ACSM3: variants seen among roughly 807,000 people sequenced by gnomAD.
ACSM3 encodes the protein acyl-coenzyme A synthetase ACSM3, mitochondrial.
In ACSM3, 61 loss-of-function variants were observed where a neutral mutation model predicts 74.1. That is an observed-to-expected ratio of 0.82 (90% confidence interval 0.67 to 1.02). The LOEUF (loss-of-function observed/expected upper bound fraction) is 1.02, where lower values mean the gene tolerates loss of function less well. Among genes scored for constraint, ACSM3 ranks in the 50% least tolerant of loss-of-function variants. The pLI is 0.00. For synonymous variants in ACSM3, 213 were observed against 241.5 expected, an observed-to-expected ratio of 0.88 and a Z score of 1.09; for missense variants, 660 against 697.0, an observed-to-expected ratio of 0.95 and a Z score of 0.60.
chr16:20,789,436 G>C (rs1352339240), intron 9 of ACSM3: 1 of 1,384,070 alleles, frequency 7.2e-7, no homozygotes, highest in Non-Finnish European at 1.0e-6. Context: ...GGAATGATGA[G>C]GATTGGAGAG....
At chr16:20,701,610 G>A (rs2079713062) in intron 1 of ACSM3, among the ~76,000 whole-genome samples, 1 of 152,120 alleles carries the variant, frequency 6.6e-6, no homozygotes, top group East Asian at 1.9e-4. Flanking sequence ...GTGCCATGGT[G>A]GTTTGCCGCA....
intron 1 of ACSM3, among the ~76,000 whole-genome samples, chr16:20,719,005 T>C (rs1266898417): frequency 2.0e-5 from 3 of 152,168 alleles, no homozygotes; most frequent in Non-Finnish European, 2.9e-5. Context: ...CAAAAAATCA[T>C]GCCAAACCCA....
At chr16:20,789,920 C>T (rs12918516) in intron 9 of ACSM3, among the ~76,000 whole-genome samples, 5 of 151,656 alleles carry the variant, frequency 3.3e-5, no homozygotes, top group African/African-American at 1.2e-4. Context: ...GCGATCCACC[C>T]GCCTCGGCCT....
chr16:20,737,263 C>T (rs1325875956), intron 1 of ACSM3: 6 of 1,613,198 alleles, frequency 3.7e-6, no homozygotes, highest in Non-Finnish European at 5.1e-6. Context: ...ACTTTATTTT[C>T]TGAATTGAGG....
chr16:20,675,670 T>C (rs1163398855), intron 1 of ACSM3, among the ~76,000 whole-genome samples: 1 of 152,250 alleles, frequency 6.6e-6, no homozygotes. Context: ...TAGCCCTCTT[T>C]TAGTGATGGA....
At chr16:20,791,299 C>G (rs1480934868) in intron 10 of ACSM3, among the ~76,000 whole-genome samples, 1 of 152,138 alleles carries the variant, frequency 6.6e-6, no homozygotes, top group Non-Finnish European at 1.5e-5. Flanking sequence ...AGCACAAAAA[C>G]AAAACAAACC....
At chr16:20,712,381 C>T (rs2079746628) in intron 1 of ACSM3, among the ~76,000 whole-genome samples, 1 of 152,120 alleles carries the variant, frequency 6.6e-6, no homozygotes, top group Non-Finnish European at 1.5e-5. Context: ...ATCCTCAGTT[C>T]CTAACACATA....
intron 1 of ACSM3, among the ~76,000 whole-genome samples, chr16:20,701,287 A>G (rs1296145976): frequency 1.3e-5 from 2 of 152,170 alleles, no homozygotes; most frequent in Non-Finnish European, 2.9e-5. Flanking sequence ...AATTGATGAC[A>G]ATAGAAAATT....
At chr16:20,741,951 G>T in intron 1 of ACSM3, 10 of 1,530,498 alleles carry the variant, frequency 6.5e-6, no homozygotes, top group Non-Finnish European at 8.7e-6. Context: ...CTCCTGCCCC[G>T]CCTCCCGACT....
chr16:20,685,489 C>A (rs771651025), intron 1 of ACSM3: 9 of 1,226,590 alleles, frequency 7.3e-6, no homozygotes, highest in Non-Finnish European at 1.1e-5. Flanking sequence ...TAGTCACGTT[C>A]CAATGTGAAC....
chr16:20,682,065 C>G, intron 1 of ACSM3: 1 of 563,448 alleles, frequency 1.8e-6, no homozygotes, highest in Non-Finnish European at 3.2e-6. Flanking sequence ...GATCTCCCCT[C>G]TCACCCCATG....
intron 3 of ACSM3, among the ~76,000 whole-genome samples, chr16:20,758,023 T>C (rs1349880964): frequency 1.3e-5 from 2 of 152,158 alleles, no homozygotes; most frequent in South Asian, 2.1e-4. Context: ...GATGTGCTGC[T>C]GGATTCGGTT....
intron 7 of ACSM3, chr16:20,783,359 GAGACC>G (rs2080395420): frequency 6.6e-6 from 1 of 152,172 alleles, no homozygotes; most frequent in Non-Finnish European, 1.5e-5. Flanking sequence ...CAAAATGCTT[GAGACC>G]AGAAGTCTTT....
At position 20,794,587 on chromosome 16, in the gene ACSM3, C is replaced by T. The variant is rs148782180; in HGVS notation, c.1555-1783C>T. Among the ~76,000 whole-genome samples the T allele has an allele frequency of 1.3e-3, 205 of 152,314 alleles. 1 individual carries two copies. The highest frequency in any genetic ancestry group is 4.7e-3 in the African/African-American group (197 of 41,566). On this transcript the variant is annotated intron_variant, in intron 12 of 13. Coordinates refer to ENST00000289416, the MANE Select transcript of ACSM3 (RefSeq NM_005622.4). ...TTTCTCAGAAAAATACAAGATTTTGCATAGAATTTCATAGAGATTTGAAGC... is the reference window on the plus strand; with the variant it reads ...TTTCTCAGAAAAATACAAGATTTTGTATAGAATTTCATAGAGATTTGAAGC...
chr16:20,724,878 A>C (rs1371462581), intron 1 of ACSM3, among the ~76,000 whole-genome samples: 1 of 152,208 alleles, frequency 6.6e-6, no homozygotes, highest in Non-Finnish European at 1.5e-5. Context: ...AAGGAAATAA[A>C]AGAGGATACA....
intron 1 of ACSM3, among the ~76,000 whole-genome samples, chr16:20,741,179 A>G (rs2079916635): frequency 1.3e-5 from 2 of 152,174 alleles, no homozygotes; most frequent in Admixed American, 6.5e-5. Context: ...GGAGAAGTCG[A>G]GGCTTCCCTG....
chr16:20,728,100 T>C (rs1358892223), intron 1 of ACSM3: 1 of 236,196 alleles, frequency 4.2e-6, no homozygotes, highest in African/African-American at 2.3e-5. Context: ...TAAGTTTCAT[T>C]GTCATGATAT....
chr16:20,770,541 AAGG>A lies in ACSM3; in HGVS notation c.219+291_219+293del, dbSNP rs1223120141. Among the ~76,000 whole-genome samples, 14 of 152,284 alleles carry A rather than the reference AAGG, an allele frequency of 9.2e-5. No individual in the cohort carries two copies. The East Asian group carries it at 1.4e-3, about 15-fold the overall frequency. ...ATTCTAGGTTGACTTAAAAAAAAAA[AAGG>A]AGAAGAGTGAAAAGTAATTCCAAGA... is the stretch of plus-strand genomic sequence containing the variant. On this transcript the variant is annotated intron_variant, in intron 2 of 13. Coordinates refer to ENST00000289416, the MANE Select transcript of ACSM3 (RefSeq NM_005622.4).
chr16:20,747,283 T>C lies in ACSM3; in HGVS notation c.-189-2627T>C, dbSNP rs140298940. On this transcript the variant is annotated intron_variant, in intron 1 of 3. Transcript: ENST00000561584. ...TCCGCCTTCCCCCTTATCATTCTCATAATTATTTTGCAAAGTTTTATAAGT... is the reference window on the plus strand; with the variant it reads ...TCCGCCTTCCCCCTTATCATTCTCACAATTATTTTGCAAAGTTTTATAAGT... 2.0e-5 allele frequency among the ~76,000 whole-genome samples: 3 copies of C among 152,294 alleles called. No individual in the cohort carries two copies. The East Asian group carries it at 5.8e-4, about 29-fold the overall frequency.
Sources: gnomAD v4.1 joint callset for allele counts (sites outside exome capture counted in the v4.1 genomes callset) on GRCh38, gnomAD v4.1.1 for gene constraint, MANE v1.5 for transcripts, NCBI Gene and HGNC (gene_info 2026-07-23, HGNC 2026-07-21) for gene names.